The following SUPT3H variants were observed in gnomAD, a reference collection of about 807,000 sequenced individuals.
SUPT3H encodes SPT3 homolog, SAGA and STAGA complex component, also known as transcription initiation protein SPT3 homolog.
A neutral mutation model predicts 44.3 loss-of-function variants in SUPT3H; 44 were observed. The ratio of observed to expected loss-of-function variants is 0.99; its 90% CI spans 0.78 to 1.28. The LOEUF (loss-of-function observed/expected upper bound fraction) is 1.28. Among genes scored for constraint, SUPT3H ranks in the 50% most tolerant of loss-of-function variants. SUPT3H has a pLI of 0.00. For synonymous variants in SUPT3H, 124 were observed against 125.6 expected (o/e 0.99, Z 0.09); for missense variants, 380 against 387.1 (o/e 0.98, Z 0.15).
chr6:45,117,906 C>CTAT (rs1801069131), intron 2 of SUPT3H, among the ~76,000 whole-genome samples: 1 of 151,984 alleles, frequency 6.6e-6, no homozygotes, highest in Non-Finnish European at 1.5e-5. Context: ...AAGTTCATCT[C>CTAT]TAGTCTCAAC....
At chr6:44,920,854 T>G (rs1217952056) in intron 10 of SUPT3H, among the ~76,000 whole-genome samples, 1 of 152,212 alleles carries the variant, frequency 6.6e-6, no homozygotes, top group African/African-American at 2.4e-5. Flanking sequence ...ATCTATTTTA[T>G]TTTTCATTTT....
intron 2 of SUPT3H, among the ~76,000 whole-genome samples, chr6:45,158,354 T>C (rs1459725064): frequency 2.1e-5 from 3 of 139,708 alleles, no homozygotes; most frequent in East Asian, 2.1e-4. Flanking sequence ...AGCTGGAATG[T>C]AGTGGCACTA....
At chr6:44,968,938 C>T (rs1347210645) in intron 6 of SUPT3H, among the ~76,000 whole-genome samples, 1 of 152,102 alleles carries the variant, frequency 6.6e-6, no homozygotes, top group Non-Finnish European at 1.5e-5. Flanking sequence ...AGTTAGGTCA[C>T]CCTTTGTCAT....
At chr6:44,965,122 A>G (rs114536773) in intron 6 of SUPT3H, among the ~76,000 whole-genome samples, 1,669 of 152,318 alleles carry the variant, frequency 0.011, 42 homozygotes, top group African/African-American at 0.038. Context: ...TTCTTAAGAA[A>G]AAGAAATTAG....
intron 3 of SUPT3H, among the ~76,000 whole-genome samples, chr6:45,029,404 A>G (rs1212466674): frequency 6.6e-6 from 1 of 150,600 alleles, no homozygotes; most frequent in African/African-American, 2.4e-5. Flanking sequence ...TTGCATGTGT[A>G]TATATATATA....
At chr6:45,150,205 T>G (rs1233301811) in intron 2 of SUPT3H, among the ~76,000 whole-genome samples, 1 of 152,196 alleles carries the variant, frequency 6.6e-6, no homozygotes, top group Non-Finnish European at 1.5e-5. Context: ...AAGAAAATTA[T>G]ACATTTTAAA....
intron 10 of SUPT3H, among the ~76,000 whole-genome samples, chr6:44,905,629 T>A (rs367935358): frequency 1.1e-4 from 17 of 151,984 alleles, no homozygotes; most frequent in South Asian, 2.1e-4. Flanking sequence ...TCAGGGATCT[T>A]GAACTAGAAA....
In SUPT3H at chr6:45,128,557, T is replaced by TATATATATAC. The variant is rs1280920129; in HGVS notation, c.102-22552_102-22551insGTATATATAT. 1.2e-4 allele frequency among the ~76,000 whole-genome samples: 7 copies of TATATATATAC among 56,740 alleles called. No homozygotes were observed. In the East Asian group the frequency reaches 1.4e-3, roughly 11 times the overall value. The allele number at this position is 56,740 out of a possible 152,430, so 37.2% of individuals were successfully genotyped here. On this transcript the variant is annotated intron_variant, in intron 2 of 10. Transcript: ENST00000371459. ...AAATATATATATATATATATATATA[T>TATATATATAC]ACACACACACACACACACACACACA...
At position 45,194,582 on chromosome 6, in the gene SUPT3H, C is replaced by T. The variant is rs75968787; in HGVS notation, c.102-88576G>A. On this transcript the variant is annotated intron_variant, in intron 2 of 10. Coordinates refer to ENST00000371459, the MANE Select transcript of SUPT3H (RefSeq NM_003599.4). ...AGTAAAAATGATTTATTTTCTAATG[C>T]CTTCATAAGCACATGCTGCAAAACA... 1.2e-4 allele frequency among the ~76,000 whole-genome samples: 19 copies of T among 152,120 alleles called. No individual in the cohort carries two copies. In the East Asian group the frequency reaches 2.9e-3, roughly 23 times the overall value.
intron 2 of SUPT3H, among the ~76,000 whole-genome samples, chr6:45,325,238 A>C (rs1281224298): frequency 2.0e-5 from 3 of 151,888 alleles, no homozygotes; most frequent in African/African-American, 4.8e-5. Context: ...AAAAGAATAG[A>C]GTTAGCAGCA....
intron 5 of SUPT3H, among the ~76,000 whole-genome samples, chr6:45,009,319 C>G (rs1378480524): frequency 1.3e-5 from 2 of 152,102 alleles, no homozygotes; most frequent in African/African-American, 4.8e-5. Context: ...AATAATTGAT[C>G]AAGTCCAATT....
At chr6:45,201,903 T>C (rs1762509991) in intron 2 of SUPT3H, among the ~76,000 whole-genome samples, 1 of 151,918 alleles carries the variant, frequency 6.6e-6, no homozygotes, top group Non-Finnish European at 1.5e-5. Flanking sequence ...TCTGCTTAAT[T>C]TGCAACTAGT....
intron 2 of SUPT3H, among the ~76,000 whole-genome samples, chr6:45,236,326 T>C (rs549005666): frequency 3.3e-5 from 5 of 152,142 alleles, no homozygotes; most frequent in African/African-American, 1.2e-4. Context: ...GACACCCGAG[T>C]GCTCTTAAGC....
At chr6:44,870,593 T>A (rs532175232) in intron 10 of SUPT3H, among the ~76,000 whole-genome samples, 1 of 131,342 alleles carries the variant, frequency 7.6e-6, no homozygotes, top group Non-Finnish European at 1.6e-5. Context: ...AGTGAGACTC[T>A]GTCTCAAAAA....
intron 2 of SUPT3H, among the ~76,000 whole-genome samples, chr6:45,308,790 T>C (rs1230804061): frequency 1.3e-5 from 2 of 151,274 alleles, no homozygotes; most frequent in Non-Finnish European, 2.9e-5. Context: ...TAATGAAAAT[T>C]CTGAATTAAA....
chr6:45,256,173 AAAAT>A lies in SUPT3H; in HGVS notation c.101+109024_101+109027del, dbSNP rs550735363. ...GCGACAGTGCAAGACTCTGTCTCAA[AAAAT>A]AAATAAATAAAAATAAAACTAGTAT... On this transcript the variant is annotated intron_variant, in intron 2 of 10. Transcript: ENST00000371459. 4.1e-3 allele frequency among the ~76,000 whole-genome samples: 618 copies of A among 152,312 alleles called. 2 individuals are homozygous for A. The highest frequency in any genetic ancestry group is 5.3e-3 in the Admixed American group (81 of 15,302).
intron 2 of SUPT3H, among the ~76,000 whole-genome samples, chr6:45,247,868 T>C (rs1771648825): frequency 6.6e-6 from 1 of 152,122 alleles, no homozygotes; most frequent in South Asian, 2.1e-4. Context: ...TGGAGAAATG[T>C]TAGACTCAAA....
At chr6:45,334,449 C>CAAAAAAAAAAA (rs551014969) in intron 2 of SUPT3H, among the ~76,000 whole-genome samples, 7 of 91,752 alleles carry the variant, frequency 7.6e-5, no homozygotes, top group Non-Finnish European at 1.3e-4. Flanking sequence ...TCAGGAAAAG[C>CAAAAAAAAAAA]AAAAAAAAAA....
At chr6:45,028,221 C>A (rs932828055) in intron 3 of SUPT3H, among the ~76,000 whole-genome samples, 1 of 152,174 alleles carries the variant, frequency 6.6e-6, no homozygotes, top group African/African-American at 2.4e-5. Flanking sequence ...TTTCACCTTT[C>A]CACAAAGTAA....
Sources: gnomAD v4.1 joint callset for allele counts (sites outside exome capture counted in the v4.1 genomes callset) on GRCh38, gnomAD v4.1.1 for gene constraint, MANE v1.5 for transcripts, NCBI Gene and HGNC (gene_info 2026-07-23, HGNC 2026-07-21) for gene names.